The following GMPPA variants were observed in gnomAD, a reference collection of about 807,000 sequenced individuals.
GMPPA encodes the protein mannose-1-phosphate guanylyltransferase regulatory subunit alpha.
A neutral mutation model predicts 58.6 loss-of-function variants in GMPPA; 46 were observed. That is an observed-to-expected ratio of 0.78 (90% CI 0.62 to 1.00). The LOEUF (loss-of-function observed/expected upper bound fraction) is 1.00, where lower values mean the gene tolerates loss of function less well. GMPPA is among the 50% of genes least tolerant of loss of function. GMPPA has a pLI of 0.00. For synonymous variants in GMPPA, 211 were observed against 214.9 expected (o/e 0.98, Z 0.16); for missense variants, 468 against 556.4 (o/e 0.84, Z 1.60).
chr2:219,506,841 G>A lies in GMPPA; in HGVS notation c.*43G>A. The A allele has an allele frequency of 1.1e-6, 1 of 929,178 alleles. No homozygotes were observed. The highest frequency in any genetic ancestry group is 1.8e-6 in the Non-Finnish European group (1 of 560,472). 57.6% of individuals were successfully genotyped at this position (929,178 alleles called of 1,614,324 possible). On this transcript the variant is annotated 3_prime_UTR_variant, in exon 13 of 13. Transcript: ENST00000313597. ...CCCCCAGCTCCTACCCACTCCCCTT[G>A]AGGCTGCTGCCTGCTTGGCCAGCCT...
At position 219,505,514 on chromosome 2, in the gene GMPPA, A is replaced by G. The variant is rs1337006148; in HGVS notation, c.812A>G (p.Glu271Gly). The change falls in exon 9 of 13, where the codon GAA (glutamate) becomes GGA (glycine). Residue 271 changes from glutamate to glycine, a missense_variant. Transcript: ENST00000313597. ...AGCCGATACCAGGACACTCACCCAG[A>G]ACGGCTGGCCAAGCACACCCCAGGG... ...YLSRYQDTHP[E>G]RLAKHTPGGP... The G allele has an allele frequency of 6.4e-7, 1 of 1,574,500 alleles. No individual in the cohort carries two copies. Among genetic ancestry groups the G allele is most frequent in the East Asian group, 2.3e-5 (1 of 43,318 alleles).
chr2:219,500,161 A>G lies in GMPPA; in HGVS notation c.81A>G (p.Pro27=). 1.3e-6 allele frequency: 2 copies of G among 1,596,286 alleles called. No homozygotes were observed. Among genetic ancestry groups the G allele is most frequent in the Non-Finnish European group, 1.7e-6 (2 of 1,169,622 alleles). The stretch of plus-strand genomic sequence containing the variant: ...CTTTGTCTTTTGAGGTGCCCAAACC[A>G]TTGTTTCCTGTGGCAGGGGTCCCTA... ...FRPLSFEVPK[P]LFPVAGVPMI... The change falls in exon 3 of 13, where the codon CCA becomes CCG. Residue 27 remains proline (P), a synonymous_variant. Transcript: ENST00000313597.
At position 219,502,179 on chromosome 2, in the gene GMPPA, A is replaced by G; in HGVS notation, c.429+142A>G. ...GAGGGAGATGCGCTGCTCTGGCAGC[A>G]TGGAGGTGTTAGTGGAGACCCCGAG... is the stretch of plus-strand genomic sequence containing the variant. On this transcript the variant is annotated intron_variant, in intron 5 of 12. Coordinates refer to ENST00000313597, the MANE Select transcript of GMPPA (RefSeq NM_013335.4). The surrounding 1 kb of genome is among the most constrained non-coding windows in gnomAD (Gnocchi z 4.0). 2 of 936,526 alleles carry G rather than the reference A, an allele frequency of 2.1e-6. No individual in the cohort carries two copies. Among genetic ancestry groups the G allele is most frequent in the South Asian group, 3.0e-5 (2 of 66,744 alleles). The allele number at this position is 936,526 out of a possible 1,614,324, so 58.0% of individuals were successfully genotyped here. A position where few individuals can be genotyped will look rare whatever the true frequency, so the allele number is the denominator to read the frequency against.
intron 6 of GMPPA, 105 bp from the exon 7 acceptor site, chr2:219,503,978 C>T (rs1694487269): frequency 1.5e-6 from 2 of 1,333,936 alleles, no homozygotes; most frequent in Non-Finnish European, 2.1e-6. Flanking sequence ...CCAGGCCACC[C>T]TGGCAGCAGG....
rs918573371 is a variant in GMPPA, at chr2:219,506,526, C to T, written c.1162+104C>T. On this transcript the variant is annotated intron_variant, in intron 12 of 12. Transcript: ENST00000313597. The stretch of plus-strand genomic sequence containing the variant: ...TGTGCACGCGTGTTTCTTCTTTTAG[C>T]AAACAGTTACCAAGGGCCTGCTGTG... 8.2e-6 allele frequency: 10 copies of T among 1,224,896 alleles called. No individual in the cohort carries two copies. The Admixed American group carries it at 2.1e-4, about 26-fold the overall frequency. 75.9% of individuals were successfully genotyped at this position (1,224,896 alleles called of 1,614,324 possible).
At chr2:219,505,905 C>A in intron 10 of GMPPA, 75 bp from the exon 11 acceptor site, 1 of 1,178,220 alleles carries the variant, frequency 8.5e-7, no homozygotes, top group Non-Finnish European at 1.2e-6. Context: ...TATGCCTTAT[C>A]TGTTCTAGAA....
In GMPPA at chr2:219,506,405, C is replaced by G. The variant is rs1483129782; in HGVS notation, c.1145C>G (p.Pro382Arg). 1 of 1,612,652 alleles carries G rather than the reference C, an allele frequency of 6.2e-7. No individual in the cohort carries two copies. The highest frequency in any genetic ancestry group is 2.2e-5 in the East Asian group (1 of 44,890). Residue 382 changes from proline to arginine, a missense_variant, in exon 12 of 13, where the codon CCT becomes CGT. By Grantham distance (103) the Pro-to-Arg change is moderately radical (BLOSUM62 -2). Coordinates refer to ENST00000313597, the MANE Select transcript of GMPPA (RefSeq NM_013335.4). ...ESLFKDGKLL[P>R]AITILGCRVR... ...CTCTTCAAGGACGGGAAGCTGCTGC[C>G]TGCTATCACCATCCTGGGTATGGCT...
Position 219,505,574 on chromosome 2 carries a change from T to G in GMPPA, c.853+19T>G. 1 of 1,568,968 alleles carries G rather than the reference T, an allele frequency of 6.4e-7. No individual in the cohort carries two copies. The highest frequency in any genetic ancestry group is 1.4e-5 in the African/African-American group (1 of 74,064). On this transcript the variant is annotated intron_variant, in intron 9 of 12. Transcript: ENST00000313597. ...ATCCGAGGTACCCAGCCTGCCCCAA[T>G]TCCTAACCTTTGGCTTCCACCCCAG... is the stretch of plus-strand genomic sequence containing the variant.
chr2:219,501,729 AGTTTCTCT>A, intron 4 of GMPPA, 114 bp from the exon 5 acceptor site: 1 of 926,278 alleles, frequency 1.1e-6, no homozygotes, highest in South Asian at 1.5e-5. Flanking sequence ...GAGTATATAG[AGTTTCTCT>A]GTGGGCCTTG....
intron 7 of GMPPA, chr2:219,504,999 G>A: frequency 1.1e-6 from 1 of 883,488 alleles, no homozygotes; most frequent in Non-Finnish European, 1.6e-6. Flanking sequence ...ATGGGAAGCA[G>A]GCCTCTGCCT....
chr2:219,501,833 T>G lies in GMPPA; in HGVS notation c.243-18T>G, dbSNP rs1368497460. ...TTCCTAAGATCCACTGAGCTGGCTC[T>G]CGGGTCCCTGGGGACAGGTACCTGC... On this transcript the variant is annotated intron_variant, in intron 4 of 12. Transcript: ENST00000313597. 6.2e-7 allele frequency: 1 copy of G among 1,612,200 alleles called. No homozygotes were observed. The highest frequency in any genetic ancestry group is 1.3e-5 in the African/African-American group (1 of 74,902).
chr2:219,505,349 A>G lies in GMPPA; in HGVS notation c.742A>G (p.Ile248Val). ...VHLTDGIWSQ[I>V]KSAGSALYAS... Reference sequence around the variant, plus strand: ...TCTCACTGATGGTATCTGGAGTCAGATCAAGTCCGCAGGGTATGGAAGGCT... The same window carrying G: ...TCTCACTGATGGTATCTGGAGTCAGGTCAAGTCCGCAGGGTATGGAAGGCT... The change falls in exon 8 of 13, where the codon ATC (isoleucine) becomes GTC (valine). Residue 248 changes from isoleucine (I) to valine (V), a missense_variant. By Grantham distance (29) the Ile-to-Val change is conservative (BLOSUM62 3). Transcript: ENST00000313597. The G allele has an allele frequency of 6.2e-7, 1 of 1,613,804 alleles. No homozygotes were observed. Among genetic ancestry groups the G allele is most frequent in the East Asian group, 2.2e-5 (1 of 44,880 alleles).
intron 1 of GMPPA, chr2:219,499,705 T>G: frequency 1.8e-6 from 1 of 566,054 alleles, no homozygotes; most frequent in Non-Finnish European, 3.2e-6. Context: ...ATATTGAGCT[T>G]TGGGTTTACA....
chr2:219,502,613 G>C lies in GMPPA; in HGVS notation c.489+172G>C, dbSNP rs573210815. Reference sequence around the variant, plus strand: ...CTTTAAGAGAGATTGACCAGGGGGAGGGGGGGAATGGTTAATTTCCCTGGG... The same window carrying C: ...CTTTAAGAGAGATTGACCAGGGGGACGGGGGGAATGGTTAATTTCCCTGGG... On this transcript the variant is annotated intron_variant, in intron 6 of 12. Transcript: ENST00000313597. This position sits in a 1 kb window ranked among gnomAD's most constrained non-coding sequence, Gnocchi z 4.0. 6.6e-6 allele frequency among the ~76,000 whole-genome samples: 1 copy of C among 151,922 alleles called. No homozygotes were observed. Among genetic ancestry groups the C allele is most frequent in the African/African-American group, 2.4e-5 (1 of 41,342 alleles).
chr2:219,505,256 G>T lies in GMPPA; in HGVS notation c.649G>T (p.Ala217Ser). 6.2e-7 allele frequency: 1 copy of T among 1,614,090 alleles called. No homozygotes were observed. The highest frequency in any genetic ancestry group is 1.1e-5 in the South Asian group (1 of 91,086). ...GGACTCACCAGGCTTGTGGCCAGGG[G>T]CAGGTACCATCCGCCTAGAGCAGGA... is the stretch of plus-strand genomic sequence containing the variant. Reference protein sequence around the residue: ...LEDSPGLWPGAGTIRLEQDVF... With the variant: ...LEDSPGLWPGSGTIRLEQDVF... Residue 217 changes from alanine to serine, a missense_variant, in exon 8 of 13, where the codon GCA becomes TCA. Transcript: ENST00000313597.
At chr2:219,504,771 C>T in intron 7 of GMPPA, 1 of 732,140 alleles carries the variant, frequency 1.4e-6, no homozygotes, top group South Asian at 4.9e-5. Context: ...CTCTCCTGGC[C>T]TCTCTGTCTC....
intron 6 of GMPPA, 95 bp from the exon 7 acceptor site, chr2:219,503,988 G>A (rs1694487463): frequency 7.1e-7 from 1 of 1,401,672 alleles, no homozygotes; most frequent in Non-Finnish European, 1.0e-6. Flanking sequence ...CTGGCAGCAG[G>A]GAGGAGAGGC....
At position 219,504,192 on chromosome 2, in the gene GMPPA, G is replaced by A. The variant is rs772485317; in HGVS notation, c.599G>A (p.Arg200His). 10 of 1,613,824 alleles carry A rather than the reference G, an allele frequency of 6.2e-6. No individual in the cohort carries two copies. Among genetic ancestry groups the A allele is most frequent in the African/African-American group, 5.3e-5 (4 of 74,892 alleles). ...ALKPLRDVFQ[R>H]NQQDGQLEDS... ...AAGCCTCTTCGGGATGTCTTCCAGC[G>A]TAATCAGCAGGATGGGCAATTGTGA... The change falls in exon 7 of 13, where the codon CGT (arginine) becomes CAT (histidine). Residue 200 changes from arginine (R) to histidine (H), a missense_variant. Arg to His is a conservative substitution (Grantham distance 29). Transcript: ENST00000313597.
chr2:219,506,480 C>CG, intron 12 of GMPPA, 58 bp downstream of exon 12: 3 of 1,519,330 alleles, frequency 2.0e-6, no homozygotes, highest in South Asian at 1.2e-5. Context: ...CCAGTGGCCC[C>CG]GGGGAGCATT....
Sources: gnomAD v4.1 joint callset for allele counts (sites outside exome capture counted in the v4.1 genomes callset) on GRCh38, gnomAD v4.1.1 for gene constraint, Gnocchi (gnomAD v3.1) non-coding constraint, MANE v1.5 for transcripts, NCBI Gene and HGNC (gene_info 2026-07-23, HGNC 2026-07-21) for gene names.